The following ZNF713 variants were observed in gnomAD, a reference collection of about 807,000 sequenced individuals.
ZNF713 encodes zinc finger protein 713.
A neutral mutation model predicts 28.7 loss-of-function variants in ZNF713; 21 were observed. The observed-to-expected ratio is 0.73, with a 90% CI of 0.52 to 1.05. The LOEUF is 1.05. Ranked by LOEUF, ZNF713 falls within the 50% of genes least tolerant of loss-of-function variation. The pLI is 0.00. For missense variants in ZNF713, 458 were observed against 532.4 expected (o/e 0.86, Z 1.37); for synonymous variants, 167 against 178.0 (o/e 0.94, Z 0.49).
At chr7:55,892,555 C>CAAAAAAAAAAAAAAAAAAAAAAAAAA (rs56338467) in intron 1 of ZNF713, among the ~76,000 whole-genome samples, 2 of 74,364 alleles carry the variant, frequency 2.7e-5, no homozygotes, top group Non-Finnish European at 4.6e-5. Context: ...AAGCACTGAC[C>CAAAAAAAAAAAAAAAAAAAAAAAAAA]AAAAAAAAAA....
chr7:55,935,311 G>A (rs1178520222), intron 6 of ZNF713, among the ~76,000 whole-genome samples: 1 of 152,028 alleles, frequency 6.6e-6, no homozygotes, highest in Admixed American at 6.6e-5. Context: ...AAATTTAACA[G>A]CAGGAGAAAA....
chr7:55,922,619 TCAAGGC>T (rs1264408651), intron 4 of ZNF713, among the ~76,000 whole-genome samples: 1 of 151,742 alleles, frequency 6.6e-6, no homozygotes, highest in Non-Finnish European at 1.5e-5. Context: ...GCCATCAGCA[TCAAGGC>T]AAGACCCTCC....
At chr7:55,919,200 T>C (rs1039297560) in intron 4 of ZNF713, among the ~76,000 whole-genome samples, 1 of 152,170 alleles carries the variant, frequency 6.6e-6, no homozygotes, top group African/African-American at 2.4e-5. Flanking sequence ...GAAAACTTTC[T>C]CATTCACATC....
intron 2 of ZNF713, among the ~76,000 whole-genome samples, chr7:55,907,474 G>A (rs1461465192): frequency 1.3e-5 from 2 of 152,118 alleles, no homozygotes; most frequent in Non-Finnish European, 2.9e-5. Flanking sequence ...CTTTTTTGTG[G>A]CTGCATGGTA....
intron 1 of ZNF713, among the ~76,000 whole-genome samples, chr7:55,900,216 G>A (rs1466404454): frequency 3.3e-5 from 5 of 152,186 alleles, no homozygotes; most frequent in Middle Eastern, 3.4e-3. Flanking sequence ...CCCTGTAATC[G>A]CAGCACTTTC....
Position 55,902,623 on chromosome 7 carries a change from T to G in ZNF713, c.-582-3630T>G, listed in dbSNP as rs567767327. On this transcript the variant is annotated intron_variant, in intron 1 of 6. Coordinates refer to ENST00000429591, the MANE Select transcript of ZNF713 (RefSeq NM_182633.3). ...ATGCTCAGGCCTATATCTCTCCATT[T>G]TTGCCCTATCTCTTAAATATATGTA... Among the ~76,000 whole-genome samples, 7 of 152,268 alleles carry G rather than the reference T, an allele frequency of 4.6e-5. No individual in the cohort carries two copies. The South Asian group carries it at 1.2e-3, about 27-fold the overall frequency.
At position 55,939,815 on chromosome 7, in the gene ZNF713, C is replaced by A; in HGVS notation, c.1141C>A (p.Gln381Lys). ...ECGFCGKAFS[Q>K]RTHLNQHERT... is the part of the protein sequence containing the mutation. ...TGGTTTCTGTGGCAAAGCCTTCAGT[C>A]AGAGGACACATCTGAATCAACATGA... is the stretch of plus-strand genomic sequence containing the variant. Residue 381 changes from glutamine (Q) to lysine (K), a missense_variant, in exon 7 of 7, where the codon CAG becomes AAG. By Grantham distance (53) the Gln-to-Lys change is moderately conservative. Transcript: ENST00000429591. 6.2e-7 allele frequency: 1 copy of A among 1,614,146 alleles called. No individual in the cohort carries two copies. The highest frequency in any genetic ancestry group is 1.1e-5 in the South Asian group (1 of 91,074).
At chr7:55,928,944 C>T (rs1445959909) in intron 6 of ZNF713, among the ~76,000 whole-genome samples, 1 of 129,500 alleles carries the variant, frequency 7.7e-6, no homozygotes, top group East Asian at 2.3e-4. Flanking sequence ...CCAGCCTGGG[C>T]AACAGGTTGA....
chr7:55,899,632 A>G (rs1459569828), intron 1 of ZNF713, among the ~76,000 whole-genome samples: 1 of 151,474 alleles, frequency 6.6e-6, no homozygotes, highest in African/African-American at 2.4e-5. Flanking sequence ...AGATGGCACC[A>G]CTGCACTCCA....
At chr7:55,901,322 T>C (rs900974887) in intron 1 of ZNF713, among the ~76,000 whole-genome samples, 1 of 152,234 alleles carries the variant, frequency 6.6e-6, no homozygotes, top group East Asian at 1.9e-4. Context: ...ATGAGACTTA[T>C]TCACTATCAT....
At chr7:55,934,237 G>A (rs919062939) in intron 6 of ZNF713, among the ~76,000 whole-genome samples, 1 of 151,790 alleles carries the variant, frequency 6.6e-6, no homozygotes, top group South Asian at 2.1e-4. Context: ...TATGGTTCTC[G>A]CTCCAGAAAA....
At chr7:55,926,854 G>A (rs143741255) in intron 6 of ZNF713, among the ~76,000 whole-genome samples, 140 of 152,286 alleles carry the variant, frequency 9.2e-4, no homozygotes, top group Middle Eastern at 3.4e-3. Context: ...CTGAGGGCCG[G>A]GCACAGTGGC....
At chr7:55,901,512 A>G (rs983255204) in intron 1 of ZNF713, among the ~76,000 whole-genome samples, 2 of 152,218 alleles carry the variant, frequency 1.3e-5, no homozygotes, top group Admixed American at 1.3e-4. Flanking sequence ...TTATTTGTCA[A>G]TTAGAAATTT....
chr7:55,905,553 G>A lies in ZNF713; in HGVS notation c.-582-700G>A, dbSNP rs114007965. Among the ~76,000 whole-genome samples, 47 of 152,006 alleles carry A rather than the reference G, an allele frequency of 3.1e-4. 1 individual carries two copies. The highest frequency in any genetic ancestry group is 3.4e-3 in the Middle Eastern group (1 of 294). ...GGAAAACTACAATTAGGTAATCTCTGGAGCCCTCTTCAGTTTGTACTGAAA... is the reference window on the plus strand; with the variant it reads ...GGAAAACTACAATTAGGTAATCTCTAGAGCCCTCTTCAGTTTGTACTGAAA... On this transcript the variant is annotated intron_variant, in intron 1 of 6. Coordinates refer to ENST00000429591, the MANE Select transcript of ZNF713 (RefSeq NM_182633.3).
chr7:55,918,280 T>C (rs4947529), intron 4 of ZNF713: 203,642 of 253,886 alleles, frequency 0.8, 82,549 homozygotes, highest in East Asian at 0.95. Flanking sequence ...TGAAAGCCAG[T>C]ACCAATTTGC....
At chr7:55,892,115 T>A (rs1785390838) in intron 1 of ZNF713, among the ~76,000 whole-genome samples, 1 of 151,548 alleles carries the variant, frequency 6.6e-6, no homozygotes, top group Admixed American at 6.6e-5. Flanking sequence ...CCGTCTCTAC[T>A]AAAACTACAA....
intron 1 of ZNF713, among the ~76,000 whole-genome samples, chr7:55,898,136 A>G (rs1017355343): frequency 2.6e-5 from 4 of 152,258 alleles, no homozygotes; most frequent in Admixed American, 1.3e-4. Flanking sequence ...AGAAGACCTG[A>G]AGCTATAAAA....
At chr7:55,899,392 C>T (rs1489263386) in intron 1 of ZNF713, among the ~76,000 whole-genome samples, 13 of 109,152 alleles carry the variant, frequency 1.2e-4, no homozygotes, top group African/African-American at 3.4e-4. Flanking sequence ...AAGCCAGGCA[C>T]GGTGGTTTAT....
intron 6 of ZNF713, among the ~76,000 whole-genome samples, chr7:55,930,971 C>T (rs1430302178): frequency 6.6e-6 from 1 of 152,084 alleles, no homozygotes; most frequent in Non-Finnish European, 1.5e-5. Context: ...TCTTGCCATC[C>T]ATAAGATCTA....
Sources: gnomAD v4.1 joint callset for allele counts (sites outside exome capture counted in the v4.1 genomes callset) on GRCh38, gnomAD v4.1.1 for gene constraint, MANE v1.5 for transcripts, NCBI Gene and HGNC (gene_info 2026-07-23, HGNC 2026-07-21) for gene names.